Variants in LRRTM4 observed in about 807,000 individuals in gnomAD.
LRRTM4 encodes the protein leucine rich repeat transmembrane neuronal 4.
In LRRTM4, 25 loss-of-function variants were observed where a neutral mutation model predicts 47.6. The observed-to-expected ratio is 0.53, with a 90% CI of 0.38 to 0.73. LRRTM4 has a LOEUF of 0.73. LRRTM4 is among the 30% of genes least tolerant of loss of function. LRRTM4 has a pLI of 0.00. For synonymous variants in LRRTM4, 311 were observed against 269.5 expected (o/e 1.15, Z -1.51); for missense variants, 638 against 713.4 (o/e 0.89, Z 1.20).
rs72075725 is a variant in LRRTM4, at chr2:77,461,138, T to TGAGAGAGA, written c.1551+57172_1551+57179dup. Among the ~76,000 whole-genome samples, 649 of 145,438 alleles carry TGAGAGAGA rather than the reference T, an allele frequency of 4.5e-3. 2 individuals are homozygous for TGAGAGAGA. The highest frequency in any genetic ancestry group is 0.017 in the Middle Eastern group (5 of 286). On this transcript the variant is annotated intron_variant, in intron 3 of 3. Coordinates refer to ENST00000409884, the MANE Select transcript of LRRTM4 (RefSeq NM_001134745.3). The stretch of plus-strand genomic sequence containing the variant: ...TATATACGTACATTTACATACACAG[T>TGAGAGAGA]GAGAGAGAGAGAGAGAGAGAGAGAG...
chr2:76,913,302 A>G (rs914770096), intron 3 of LRRTM4, among the ~76,000 whole-genome samples: 1 of 151,570 alleles, frequency 6.6e-6, no homozygotes, highest in African/African-American at 2.4e-5. Context: ...TAAGCTTATT[A>G]CTGGGTATTT....
intron 3 of LRRTM4, among the ~76,000 whole-genome samples, chr2:77,093,282 G>C (rs1452716207): frequency 2.0e-5 from 3 of 148,674 alleles, no homozygotes; most frequent in African/African-American, 7.7e-5. Context: ...ATCTTTGCTG[G>C]CAGGACTATG....
intron 3 of LRRTM4, among the ~76,000 whole-genome samples, chr2:77,152,817 A>G (rs1370078527): frequency 2.0e-5 from 3 of 152,100 alleles, no homozygotes; most frequent in Non-Finnish European, 4.4e-5. Flanking sequence ...TAAATTGACA[A>G]TTTACAGTTA....
intron 3 of LRRTM4, among the ~76,000 whole-genome samples, chr2:76,769,863 A>G (rs1241656677): frequency 6.6e-6 from 1 of 152,212 alleles, no homozygotes; most frequent in Non-Finnish European, 1.5e-5. Context: ...AAAAAAGTGC[A>G]TTATAACAAA....
chr2:77,078,061 T>C (rs1367491441), intron 3 of LRRTM4, among the ~76,000 whole-genome samples: 3 of 152,210 alleles, frequency 2.0e-5, no homozygotes, highest in African/African-American at 4.8e-5. Flanking sequence ...TCTGACACAG[T>C]TGATCTACTC....
intron 3 of LRRTM4, among the ~76,000 whole-genome samples, chr2:76,808,245 C>T (rs1326256652): frequency 6.6e-6 from 1 of 152,000 alleles, no homozygotes; most frequent in African/African-American, 2.4e-5. Flanking sequence ...GTCTCGAACT[C>T]CTGACTTCGT....
At chr2:77,253,194 T>C (rs186529241) in intron 3 of LRRTM4, among the ~76,000 whole-genome samples, 344 of 152,224 alleles carry the variant, frequency 2.3e-3, no homozygotes, top group African/African-American at 8.0e-3. Context: ...ACATAAAAAA[T>C]ATAAATAAAT....
At chr2:77,072,945 AAAT>A (rs898599683) in intron 3 of LRRTM4, among the ~76,000 whole-genome samples, 5 of 152,172 alleles carry the variant, frequency 3.3e-5, no homozygotes, top group South Asian at 2.1e-4. Flanking sequence ...GAAGAAGCAT[AAAT>A]ATTATTCTTA....
intron 3 of LRRTM4, among the ~76,000 whole-genome samples, chr2:77,461,541 T>C (rs1001595655): frequency 6.6e-6 from 1 of 152,060 alleles, no homozygotes; most frequent in Non-Finnish European, 1.5e-5. Flanking sequence ...AACAGAAATA[T>C]AGCACAAAAC....
chr2:76,788,358 G>A (rs1573104336), intron 3 of LRRTM4, among the ~76,000 whole-genome samples: 1 of 152,182 alleles, frequency 6.6e-6, no homozygotes, highest in Non-Finnish European at 1.5e-5. Context: ...ACCATTATCA[G>A]AAATTGTAAA....
intron 3 of LRRTM4, among the ~76,000 whole-genome samples, chr2:76,849,110 T>G (rs2103965292): frequency 6.6e-6 from 1 of 152,240 alleles, no homozygotes; most frequent in Non-Finnish European, 1.5e-5. Context: ...AATAAGATTT[T>G]TTTTCTGGGT....
Position 77,306,592 on chromosome 2 carries a change from G to A in LRRTM4, c.1551+211726C>T, listed in dbSNP as rs190971892. Among the ~76,000 whole-genome samples the A allele has an allele frequency of 2.2e-3, 340 of 152,140 alleles. 2 individuals are homozygous for A. Among genetic ancestry groups the A allele is most frequent in the Non-Finnish European group, 3.6e-3 (244 of 68,010 alleles). The stretch of plus-strand genomic sequence containing the variant: ...ATCGCTCTCCTCTTCTTCCTAAAGC[G>A]GTTAACCTGAGACCAATTAGTGATA... On this transcript the variant is annotated intron_variant, in intron 3 of 3. Transcript: ENST00000409884.
intron 3 of LRRTM4, among the ~76,000 whole-genome samples, chr2:76,794,406 TGACTAATCGGCTTTA>T (rs1675147175): frequency 6.6e-6 from 1 of 152,224 alleles, no homozygotes; most frequent in Non-Finnish European, 1.5e-5. Flanking sequence ...TACTGCTATA[TGACTAATCGGCTTTA>T]CCAGATATTC....
chr2:77,477,961 AAGAAAG>A (rs1424161132), intron 3 of LRRTM4, among the ~76,000 whole-genome samples: 2 of 135,868 alleles, frequency 1.5e-5, no homozygotes, highest in East Asian at 4.1e-4. Context: ...GAAAGAAAGA[AAGAAAG>A]AAAAAGAAAA....
Position 77,225,990 on chromosome 2 carries a change from C to T in LRRTM4, c.1551+292328G>A, listed in dbSNP as rs367842807. Among the ~76,000 whole-genome samples, 45 of 151,174 alleles carry T rather than the reference C, an allele frequency of 3.0e-4. No homozygotes were observed. In the East Asian group the frequency reaches 5.6e-3, roughly 19 times the overall value. ...ACTGCGTGGTAGTAAAAATAAAGAA[C>T]GTAAAAAATGTGTACATGTTTTATT... is the stretch of plus-strand genomic sequence containing the variant. On this transcript the variant is annotated intron_variant, in intron 3 of 3. Transcript: ENST00000409884.
At chr2:76,910,183 T>C (rs1002604470) in intron 3 of LRRTM4, among the ~76,000 whole-genome samples, 2 of 152,142 alleles carry the variant, frequency 1.3e-5, no homozygotes, top group Non-Finnish European at 2.9e-5. Context: ...ATGATAAGTT[T>C]ATGTCCTTTG....
chr2:77,254,410 C>T (rs186605706), intron 3 of LRRTM4, among the ~76,000 whole-genome samples: 3 of 151,868 alleles, frequency 2.0e-5, no homozygotes, highest in African/African-American at 7.2e-5. Flanking sequence ...TGTTGCCAAA[C>T]TTACCCTAAA....
chr2:77,085,305 G>T (rs943752252), intron 3 of LRRTM4, among the ~76,000 whole-genome samples: 3 of 150,930 alleles, frequency 2.0e-5, no homozygotes, highest in African/African-American at 7.3e-5. Context: ...CTACAAGAGT[G>T]ATCCACTAAC....
At chr2:77,214,673 G>T (rs970346738) in intron 3 of LRRTM4, among the ~76,000 whole-genome samples, 1 of 151,186 alleles carries the variant, frequency 6.6e-6, no homozygotes, top group African/African-American at 2.4e-5. Flanking sequence ...AGAGATAAGT[G>T]GCAAAAATAC....
Sources: gnomAD v4.1 joint callset for allele counts (sites outside exome capture counted in the v4.1 genomes callset) on GRCh38, gnomAD v4.1.1 for gene constraint, MANE v1.5 for transcripts, NCBI Gene and HGNC (gene_info 2026-07-23, HGNC 2026-07-21) for gene names.